Variants in METTL6 observed in about 807,000 individuals in gnomAD.
METTL6 encodes tRNA N(3)-cytidine methyltransferase METTL6.
A neutral mutation model predicts 26.4 loss-of-function variants in METTL6; 22 were observed. That is an observed-to-expected ratio of 0.83 (90% confidence interval 0.59 to 1.19). The LOEUF (loss-of-function observed/expected upper bound fraction) is 1.19. Among genes scored for constraint, METTL6 ranks in the 50% most tolerant of loss-of-function variants. The probability of loss-of-function intolerance (pLI) is 0.00; values close to 1 mark genes in which losing one functional copy is unlikely to be tolerated. For missense variants in METTL6, 304 were observed against 324.8 expected, an observed-to-expected ratio of 0.94 and a Z score of 0.49; for synonymous variants, 109 against 116.2, an observed-to-expected ratio of 0.94 and a Z score of 0.40.
rs1427404807 is a variant in METTL6, at chr3:15,426,487, G to A, written c.25C>T (p.Leu9=). 3.7e-6 allele frequency: 6 copies of A among 1,613,728 alleles called. No homozygotes were observed. Among genetic ancestry groups the A allele is most frequent in the Non-Finnish European group, 4.2e-6 (5 of 1,179,982 alleles). The change falls in exon 2 of 6, where the codon CTG becomes TTG. Residue 9 remains leucine (L), a synonymous_variant. Transcript: ENST00000383790. ...TCAGAGGTGAGAATCCTTGCCTGCA[G>A]CCCTTTCCTTTGCAAAGAAGCCATC... MASLQRKG[L]QARILTSEEE... is the part of the protein sequence containing the mutation.
intron 6 of METTL6, among the ~76,000 whole-genome samples, chr3:15,400,807 T>C (rs1354999787): frequency 1.3e-5 from 2 of 152,236 alleles, no homozygotes; most frequent in Non-Finnish European, 2.9e-5. Context: ...TGCTTCCTTC[T>C]TGTGCGTGAA....
At position 15,424,939 on chromosome 3, in the gene METTL6, T is replaced by C. The variant is rs1370110667; in HGVS notation, c.360+16A>G. 1.4e-5 allele frequency: 23 copies of C among 1,613,784 alleles called. No individual in the cohort carries two copies. The highest frequency in any genetic ancestry group is 1.6e-4 in the Middle Eastern group (1 of 6,062). Reference sequence around the variant, plus strand: ...GAAAACAGAAACACAGCAGAATACATAGATGGTGCACCAACCTTAACATAT... The same window carrying C: ...GAAAACAGAAACACAGCAGAATACACAGATGGTGCACCAACCTTAACATAT... On this transcript the variant is annotated intron_variant, in intron 3 of 5. Transcript: ENST00000383790.
chr3:15,384,088 C>G, exon 7 of METTL6: 1 of 397,680 alleles, frequency 2.5e-6, no homozygotes, highest in African/African-American at 2.2e-5. Flanking sequence ...ATACTGAAAA[C>G]AATATCATAC....
intron 6 of METTL6, among the ~76,000 whole-genome samples, chr3:15,402,390 G>A (rs1415832372): frequency 6.6e-6 from 1 of 152,106 alleles, no homozygotes; most frequent in African/African-American, 2.4e-5. Flanking sequence ...AGTGATTCCT[G>A]GGTGGGGACC....
At chr3:15,415,056 A>AAACG (rs1272728157) in intron 4 of METTL6, 7 of 923,276 alleles carry the variant, frequency 7.6e-6, no homozygotes, top group Non-Finnish European at 9.6e-6. Context: ...ACAAACAAAC[A>AAACG]AACAAACAAA....
downstream of METTL6, among the ~76,000 whole-genome samples, chr3:15,408,927 C>T (rs1699873545): frequency 6.6e-6 from 1 of 152,052 alleles, no homozygotes; most frequent in South Asian, 2.1e-4. Context: ...GAGGCTGAAG[C>T]TGGCTGTGGG....
chr3:15,427,169 C>G (rs1407093667), intron 1 of METTL6, among the ~76,000 whole-genome samples: 1 of 152,174 alleles, frequency 6.6e-6, no homozygotes, highest in Admixed American at 6.5e-5. Context: ...GGACTGAGAC[C>G]CTCGCACCGC....
Position 15,426,323 on chromosome 3 carries a change from G to A in METTL6, c.189C>T (p.Thr63=), listed in dbSNP as rs755738163. The change falls in exon 2 of 6, where the codon ACC becomes ACT. Residue 63 remains threonine, a synonymous_variant. Transcript: ENST00000383790. ...STNFFKDRHW[T]TREFEELRSC... ...ATCTTAGCTCCTCAAACTCTCTGGT[G>A]GTCCAGTGTCTGTCTTTGAAGAAAT... The A allele has an allele frequency of 3.1e-6, 5 of 1,614,022 alleles. No individual in the cohort carries two copies. In the African/African-American group the frequency reaches 5.3e-5, roughly 17 times the overall value.
intron 6 of METTL6, among the ~76,000 whole-genome samples, chr3:15,384,886 T>C (rs1699152838): frequency 1.3e-5 from 2 of 152,224 alleles, no homozygotes; most frequent in South Asian, 4.1e-4. Flanking sequence ...CCTTCTCTAC[T>C]GAAATGCATG....
At chr3:15,415,530 T>G in intron 4 of METTL6, 1 of 1,597,320 alleles carries the variant, frequency 6.3e-7, no homozygotes, top group Admixed American at 1.7e-5. Flanking sequence ...CCCAGGTAAC[T>G]GCAAAATCAT....
chr3:15,423,567 T>C (rs1161445340), intron 3 of METTL6, among the ~76,000 whole-genome samples: 2 of 151,718 alleles, frequency 1.3e-5, no homozygotes, highest in African/African-American at 4.8e-5. Context: ...ACCTCATCTC[T>C]ACAAAAATTT....
Position 15,414,732 on chromosome 3 carries a change from G to A in METTL6, c.532-570C>T, listed in dbSNP as rs1346611291. 4 of 394,602 alleles carry A rather than the reference G, an allele frequency of 1.0e-5. No homozygotes were observed. The East Asian group carries it at 3.4e-4, about 34-fold the overall frequency. The allele number at this position is 394,602 out of a possible 1,614,324, so 24.4% of individuals were successfully genotyped here. On this transcript the variant is annotated intron_variant, in intron 4 of 5. Coordinates refer to ENST00000383790, the MANE Select transcript of METTL6 (RefSeq NM_152396.4). Reference sequence around the variant, plus strand: ...GGATTAAAATGTTAGAGACCAACCTGGGCAATATAGTGAGACCCCATCTCT... The same window carrying A: ...GGATTAAAATGTTAGAGACCAACCTAGGCAATATAGTGAGACCCCATCTCT...
Position 15,424,994 on chromosome 3 carries a change from A to G in METTL6, c.321T>C (p.Tyr107=). 6.2e-7 allele frequency: 1 copy of G among 1,614,236 alleles called. No homozygotes were observed. Among genetic ancestry groups the G allele is most frequent in the Non-Finnish European group, 8.5e-7 (1 of 1,180,036 alleles). The change falls in exon 3 of 6, where the codon TAT becomes TAC. Residue 107 remains tyrosine, a synonymous_variant. Transcript: ENST00000383790. ...LLEEDPNIFA[Y]ACDFSPRAIE... is the part of the protein sequence containing the mutation. ...TGGCTCTTGGAGAAAAATCACAGGC[A>G]TAGGCAAAGATATTCGGATCTTCTT...
Position 15,414,008 on chromosome 3 carries a change from C to G in METTL6, c.673+13G>C, listed in dbSNP as rs1229112280. The G allele has an allele frequency of 6.2e-7, 1 of 1,613,880 alleles. No individual in the cohort carries two copies. The highest frequency in any genetic ancestry group is 1.7e-5 in the Admixed American group (1 of 59,976). On this transcript the variant is annotated intron_variant, in intron 5 of 5. Transcript: ENST00000383790. ...GAATAAAACATTTAAAGACTGGATT[C>G]CATTCATCTTACCATCAGTAAAAAA...
downstream of METTL6, among the ~76,000 whole-genome samples, chr3:15,408,995 A>G (rs912037877): frequency 6.6e-6 from 1 of 152,110 alleles, no homozygotes; most frequent in Non-Finnish European, 1.5e-5. Flanking sequence ...GCGGAGCTTG[A>G]GGCTGCTTCT....
At chr3:15,396,931 C>T (rs1699504371) in intron 6 of METTL6, among the ~76,000 whole-genome samples, 1 of 152,210 alleles carries the variant, frequency 6.6e-6, no homozygotes, top group South Asian at 2.1e-4. Context: ...ACTCAGGGGT[C>T]AGGGACCCAC....
intron 6 of METTL6, among the ~76,000 whole-genome samples, chr3:15,398,276 C>T (rs1699546782): frequency 6.6e-6 from 1 of 151,956 alleles, no homozygotes; most frequent in Non-Finnish European, 1.5e-5. Flanking sequence ...TCACTGCAAT[C>T]TTTGCCTCCT....
At chr3:15,413,765 G>A in intron 5 of METTL6, 1 of 1,417,210 alleles carries the variant, frequency 7.1e-7, no homozygotes, top group Non-Finnish European at 9.3e-7. Flanking sequence ...AATCCACATG[G>A]CATGTCAGAG....
downstream of METTL6, among the ~76,000 whole-genome samples, chr3:15,408,548 C>T (rs922180487): frequency 7.0e-6 from 1 of 142,892 alleles, no homozygotes; most frequent in Non-Finnish European, 1.5e-5. Context: ...TACTACACTA[C>T]ACTGCTCCTT....
Sources: allele counts gnomAD v4.1 joint callset (sites outside exome capture counted in the v4.1 genomes callset), GRCh38; gene constraint gnomAD v4.1.1; transcripts MANE v1.5; gene names NCBI Gene and HGNC (gene_info 2026-07-23, HGNC 2026-07-21).